Variants in PRDM11 observed in about 807,000 individuals in gnomAD.
The protein encoded by PRDM11 is PR/SET domain 11, also known as PR domain-containing protein 11.
Under a neutral mutation model 97.8 loss-of-function variants are expected in PRDM11, and 20 were observed. The ratio of observed to expected loss-of-function variants is 0.20; its 90% CI spans 0.14 to 0.30. The LOEUF (loss-of-function observed/expected upper bound fraction) is 0.30, where lower values mean the gene tolerates loss of function less well. PRDM11 is among the 10% of genes least tolerant of loss of function. PRDM11 has a pLI of 1.00. For synonymous variants in PRDM11, 599 were observed against 637.7 expected (o/e 0.94, Z 0.91); for missense variants, 1,139 against 1,555.2 (o/e 0.73, Z 4.50).
chr11:45,234,254 C>T lies in PRDM11; in HGVS notation c.*6095C>T, dbSNP rs1159166066. ...GTAGGAGAGAGGGCCTGACCAGGCA[C>T]CAGATGATGGAGCAAGGGCAGCTGC... On this transcript the variant is annotated 3_prime_UTR_variant, in exon 8 of 8. Coordinates refer to ENST00000683152, the MANE Select transcript of PRDM11 (RefSeq NM_001384648.1). The T allele has an allele frequency of 2.0e-5, 3 of 152,302 alleles. No homozygotes were observed. The highest frequency in any genetic ancestry group is 1.9e-4 in the East Asian group (1 of 5,192). The allele number at this position is 152,302 out of a possible 1,614,324, so 9.4% of individuals were successfully genotyped here.
At chr11:45,177,233 T>C (rs1032938695) in intron 1 of PRDM11, among the ~76,000 whole-genome samples, 1 of 152,154 alleles carries the variant, frequency 6.6e-6, no homozygotes, top group South Asian at 2.1e-4. Context: ...TCTGCCCCCT[T>C]CTTTTGGGTT....
chr11:45,095,111 C>T (rs190803541), upstream of PRDM11, among the ~76,000 whole-genome samples: 215 of 152,284 alleles, frequency 1.4e-3, 1 homozygote, highest in African/African-American at 4.9e-3. Flanking sequence ...TCCCGCCAAC[C>T]TGCCACCCTG....
At chr11:45,094,749 A>G, upstream of PRDM11, among the ~76,000 whole-genome samples, 1 of 5,000 alleles carries the variant, frequency 2.0e-4, no homozygotes. Context: ...GGAGGGAAGG[A>G]ATGAAGAAAG....
At chr11:45,101,644 G>A (rs1851984280) in intron 1 of PRDM11, among the ~76,000 whole-genome samples, 2 of 147,954 alleles carry the variant, frequency 1.4e-5, no homozygotes, top group Admixed American at 1.3e-4. Flanking sequence ...GGAAGAAGAA[G>A]GCGTTCAGGG....
rs1853446217 is a variant in PRDM11 at position 45,204,719 on chromosome 11, C to A, written c.495C>A (p.Asp165Glu). The change falls in exon 5 of 8, where the codon GAC becomes GAA. Residue 165 changes from aspartate (D) to glutamate (E), a missense_variant. Asp to Glu is a conservative substitution (Grantham distance 45, BLOSUM62 2). Around this residue, in one of 2 missense-constraint regions of PRDM11, gnomAD observed 429 missense variants for 510.3 expected, o/e 0.84. Coordinates refer to ENST00000683152, the MANE Select transcript of PRDM11 (RefSeq NM_001384648.1). ...CTTTCTCTTTCTTCCAGATTGTGGA[C>A]AAGAACAACCGCTATAAGTCCATAG... ...SAGFFSWLIV[D>E]KNNRYKSIDG... The A allele has an allele frequency of 2.5e-6, 4 of 1,611,918 alleles. No individual in the cohort carries two copies. Among genetic ancestry groups the A allele is most frequent in the African/African-American group, 1.3e-5 (1 of 74,848 alleles).
intron 1 of PRDM11, among the ~76,000 whole-genome samples, chr11:45,096,182 T>C (rs550980350): frequency 6.6e-6 from 1 of 152,312 alleles, no homozygotes; most frequent in East Asian, 1.9e-4. Flanking sequence ...GAAAGCTCCA[T>C]GAGAGCAGGC....
intron 1 of PRDM11, among the ~76,000 whole-genome samples, chr11:45,117,400 A>G (rs1398814193): frequency 6.6e-6 from 1 of 152,170 alleles, no homozygotes; most frequent in Non-Finnish European, 1.5e-5. Context: ...AGGCAGATAA[A>G]TCTCTCATGC....
chr11:45,206,990 G>A (rs924296258), intron 5 of PRDM11, among the ~76,000 whole-genome samples: 8 of 152,198 alleles, frequency 5.3e-5, no homozygotes, highest in African/African-American at 1.9e-4. Flanking sequence ...TTCTGCTACT[G>A]CCACCTTGCT....
In PRDM11 at chr11:45,204,357, G is replaced by A. The variant is rs540787355; in HGVS notation, c.487-354G>A. 3.9e-5 allele frequency among the ~76,000 whole-genome samples: 6 copies of A among 152,324 alleles called. No individual in the cohort carries two copies. The South Asian group carries it at 6.2e-4, about 16-fold the overall frequency. On this transcript the variant is annotated intron_variant, in intron 4 of 7. Coordinates refer to ENST00000683152, the MANE Select transcript of PRDM11 (RefSeq NM_001384648.1). Reference sequence around the variant, plus strand: ...GGTTTAGCCTTTGTAGTTGCAGTGCGAGGCCAGTGGAAAAGCCCCTTGTCA... The same window carrying A: ...GGTTTAGCCTTTGTAGTTGCAGTGCAAGGCCAGTGGAAAAGCCCCTTGTCA...
intron 4 of PRDM11, among the ~76,000 whole-genome samples, chr11:45,187,682 G>C (rs1852754977): frequency 1.3e-5 from 2 of 152,174 alleles, no homozygotes; most frequent in African/African-American, 4.8e-5. Flanking sequence ...TGGGCACAGG[G>C]AGGCAGTGGT....
chr11:45,165,030 C>A (rs1360552498), intron 1 of PRDM11, among the ~76,000 whole-genome samples: 1 of 152,178 alleles, frequency 6.6e-6, no homozygotes, highest in Non-Finnish European at 1.5e-5. Context: ...ACTCTCATCC[C>A]CATTTTATGT....
At chr11:45,182,417 A>G in intron 3 of PRDM11, 68 bp downstream of exon 3, 2 of 1,385,958 alleles carry the variant, frequency 1.4e-6, no homozygotes, top group East Asian at 2.4e-5. Context: ...TGGCTAGGGA[A>G]TTCACAACAA....
intron 4 of PRDM11, among the ~76,000 whole-genome samples, chr11:45,190,892 A>G (rs1250686773): frequency 3.3e-5 from 5 of 152,208 alleles, no homozygotes; most frequent in African/African-American, 1.2e-4. Flanking sequence ...TTTGACCTAC[A>G]GCCATAGTTG....
chr11:45,124,654 T>A (rs1256533353), intron 1 of PRDM11, among the ~76,000 whole-genome samples: 7 of 152,246 alleles, frequency 4.6e-5, no homozygotes, highest in African/African-American at 1.4e-4. Flanking sequence ...TTGATTTGCA[T>A]ATGTTGAACC....
chr11:45,229,858 G>A lies in PRDM11; in HGVS notation c.*1699G>A, dbSNP rs1372808313. On this transcript the variant is annotated 3_prime_UTR_variant, in exon 8 of 8. Coordinates refer to ENST00000683152, the MANE Select transcript of PRDM11 (RefSeq NM_001384648.1). ...GTGGTGTTATCTGGCCACAGGCAAG[G>A]CCCCAATGTCTTCAGCCTGCTTGGT... 6.6e-6 allele frequency: 1 copy of A among 152,102 alleles called. No homozygotes were observed. The highest frequency in any genetic ancestry group is 1.5e-5 in the Non-Finnish European group (1 of 68,038). The allele number at this position is 152,102 out of a possible 1,614,324, so 9.4% of individuals were successfully genotyped here. A position where few individuals can be genotyped will look rare whatever the true frequency, so the allele number is the denominator to read the frequency against.
chr11:45,119,215 C>G (rs1852369295), intron 1 of PRDM11, among the ~76,000 whole-genome samples: 1 of 152,192 alleles, frequency 6.6e-6, no homozygotes, highest in Non-Finnish European at 1.5e-5. Flanking sequence ...GCAAGAATCA[C>G]AAACTAGTTT....
chr11:45,187,814 GTGTGTGTGTGTGTGTGTGTA>G (rs1174806822), intron 4 of PRDM11, among the ~76,000 whole-genome samples: 1 of 151,780 alleles, frequency 6.6e-6, no homozygotes, highest in Non-Finnish European at 1.5e-5. Flanking sequence ...GTGTGTGTGT[GTGTGTGTGTGTGTGTGTGTA>G]TGTGTGTGTT....
At chr11:45,210,068 A>AG (rs751304927) in intron 5 of PRDM11, among the ~76,000 whole-genome samples, 11 of 151,928 alleles carry the variant, frequency 7.2e-5, no homozygotes, top group Non-Finnish European at 1.6e-4. Flanking sequence ...AGCGCGGGGG[A>AG]GGGGGCTGGA....
intron 6 of PRDM11, among the ~76,000 whole-genome samples, chr11:45,220,835 C>A (rs1406267292): frequency 6.6e-6 from 1 of 152,192 alleles, no homozygotes; most frequent in Non-Finnish European, 1.5e-5. Flanking sequence ...GTCCTTTACC[C>A]TTTTATTCCA....
Sources: gnomAD v4.1 joint callset for allele counts (sites outside exome capture counted in the v4.1 genomes callset) on GRCh38, gnomAD v4.1.1 for gene constraint, gnomAD v4.1.1 regional missense constraint, MANE v1.5 for transcripts, NCBI Gene and HGNC (gene_info 2026-07-23, HGNC 2026-07-21) for gene names.